The following JADE3 variants were observed in gnomAD, a reference collection of about 807,000 sequenced individuals.
JADE3 encodes the protein protein Jade-3.
In JADE3, 2 loss-of-function variants were observed where a neutral mutation model predicts 50.1. The ratio of observed to expected loss-of-function variants is 0.04; its 90% CI spans 0.02 to 0.13. JADE3 has a LOEUF of 0.13. Among genes scored for constraint, JADE3 ranks in the 10% least tolerant of loss-of-function variants. The pLI is 1.00. For synonymous variants in JADE3, 218 were observed against 232.9 expected, an observed-to-expected ratio of 0.94 and a Z score of 0.58; for missense variants, 475 against 634.4, an observed-to-expected ratio of 0.75 and a Z score of 2.70.
At chrX:46,994,901 GGTGA>G (rs1928090388) in intron 3 of JADE3, among the ~76,000 whole-genome samples, 2 of 111,689 alleles carry the variant, frequency 1.8e-5, no homozygotes, top group South Asian at 7.5e-4. Flanking sequence ...ACCCCTATGA[GGTGA>G]GTGTTATTAT....
chrX:47,007,594 T>A (rs1928458298), intron 4 of JADE3, among the ~76,000 whole-genome samples: 1 of 111,633 alleles, frequency 9.0e-6, no homozygotes, highest in African/African-American at 3.3e-5. Context: ...TCACTTTTGC[T>A]TTCTTTTGAG....
chrX:46,966,600 A>G (rs1927373830), intron 1 of JADE3, among the ~76,000 whole-genome samples: 1 of 111,985 alleles, frequency 8.9e-6, no homozygotes, highest in Non-Finnish European at 1.9e-5. Flanking sequence ...TGCAGCATAC[A>G]GATACTTAAA....
chrX:46,940,587 G>C (rs889147096), intron 1 of JADE3, among the ~76,000 whole-genome samples: 6 of 111,153 alleles, frequency 5.4e-5, no homozygotes, highest in African/African-American at 2.0e-4. Context: ...ATGGCTAGTG[G>C]GAGGAAATGG....
chrX:47,055,455 C>A (rs1929614950), intron 9 of JADE3, among the ~76,000 whole-genome samples: 2 of 111,876 alleles, frequency 1.8e-5, no homozygotes, highest in South Asian at 7.4e-4. Context: ...CCAACACTGT[C>A]CTAAGCATTT....
At chrX:46,994,643 A>G (rs1000434453) in intron 3 of JADE3, among the ~76,000 whole-genome samples, 4 of 111,745 alleles carry the variant, frequency 3.6e-5, no homozygotes, top group East Asian at 2.8e-4. Flanking sequence ...TTGCTTGGGA[A>G]CTGTGTCTTT....
At chrX:47,054,106 C>A in intron 8 of JADE3, 52 bp from the exon 9 acceptor site, 1 of 867,007 alleles carries the variant, frequency 1.2e-6, no homozygotes, top group Non-Finnish European at 1.6e-6. Context: ...AAACATAGGT[C>A]TCTCCCTTTT....
At chrX:46,939,576 C>T (rs180690415) in intron 1 of JADE3, among the ~76,000 whole-genome samples, 142 of 111,764 alleles carry the variant, frequency 1.3e-3, no homozygotes, top group African/African-American at 4.3e-3. Flanking sequence ...GCTTTACATA[C>T]CTAGTAAGTT....
At chrX:46,977,478 T>C (rs1445978397) in intron 1 of JADE3, among the ~76,000 whole-genome samples, 1 of 112,320 alleles carries the variant, frequency 8.9e-6, no homozygotes, top group Non-Finnish European at 1.9e-5. Context: ...TCTATTCTTC[T>C]GTCGTGGTAA....
chrX:47,026,425 A>G (rs1928910017), intron 5 of JADE3, among the ~76,000 whole-genome samples: 2 of 111,724 alleles, frequency 1.8e-5, no homozygotes, highest in Admixed American at 9.5e-5. Context: ...ACCATGGTAC[A>G]TATGTCAAAA....
chrX:46,926,077 A>ATTTTATTTTATTTTATTTT (rs1569534084), intron 1 of JADE3, among the ~76,000 whole-genome samples: 5 of 100,494 alleles, frequency 5.0e-5, no homozygotes, highest in African/African-American at 1.8e-4. Flanking sequence ...ATTTTATTTT[A>ATTTTATTTTATTTTATTTT]AGAGATGGGA....
In JADE3 at chrX:47,028,164, T is replaced by A. The variant is rs139944704; in HGVS notation, c.687+61T>A. On this transcript the variant is annotated intron_variant, in intron 6 of 10. Transcript: ENST00000614628. ...CAGCCTTTCTGAAGCTCAGTGATGA[T>A]CTCCAGCACGCATATCTGGGTAGCA... 278 of 794,533 alleles carry A rather than the reference T, an allele frequency of 3.5e-4. 1 individual carries two copies. The East Asian group carries it at 4.2e-3, about 12-fold the overall frequency. 65.5% of individuals were successfully genotyped at this position (794,533 alleles called of 1,213,427 possible). A position where few individuals can be genotyped will look rare whatever the true frequency, so the allele number is the denominator to read the frequency against.
chrX:46,991,284 A>G (rs1415939780), intron 3 of JADE3, among the ~76,000 whole-genome samples: 1 of 107,644 alleles, frequency 9.3e-6, no homozygotes, highest in East Asian at 2.9e-4. Flanking sequence ...GAGTTTCTCC[A>G]TGTTGGTCAG....
chrX:46,947,309 G>A (rs781944327), intron 1 of JADE3, among the ~76,000 whole-genome samples: 8 of 111,608 alleles, frequency 7.2e-5, no homozygotes, highest in African/African-American at 2.6e-4. Flanking sequence ...ATGAGCCACC[G>A]CGCCTGGCCT....
In JADE3 at chrX:47,011,969, CATTT is replaced by C. The variant is rs201260524; in HGVS notation, c.285-12754_285-12751del. Among the ~76,000 whole-genome samples, 569 of 111,890 alleles carry C rather than the reference CATTT, an allele frequency of 5.1e-3. 2 individuals are homozygous for C. The highest frequency in any genetic ancestry group is 0.017 in the African/African-American group (533 of 30,859). On this transcript the variant is annotated intron_variant, in intron 4 of 10. Coordinates refer to ENST00000614628, the MANE Select transcript of JADE3 (RefSeq NM_014735.5). Reference sequence around the variant, plus strand: ...GAGTCGTCTTAAGTCCCATCACATTCATTTGAGTATGTATGTCCTTGGCTGCTGA... The same window carrying C: ...GAGTCGTCTTAAGTCCCATCACATTCGAGTATGTATGTCCTTGGCTGCTGA...
At chrX:46,933,079 T>G in intron 1 of JADE3, among the ~76,000 whole-genome samples, 1 of 112,211 alleles carries the variant, frequency 8.9e-6, no homozygotes, top group Non-Finnish European at 1.9e-5. Flanking sequence ...TCTTTTTCTC[T>G]AACAGATTTT....
chrX:46,937,942 T>C (rs1373587934), intron 1 of JADE3, among the ~76,000 whole-genome samples: 2 of 112,097 alleles, frequency 1.8e-5, no homozygotes, highest in African/African-American at 6.5e-5. Flanking sequence ...ATCACGCCAC[T>C]GCACTCCATC....
At chrX:46,926,582 G>A (rs1195301140) in intron 1 of JADE3, among the ~76,000 whole-genome samples, 1 of 111,805 alleles carries the variant, frequency 8.9e-6, no homozygotes, top group Non-Finnish European at 1.9e-5. Flanking sequence ...ATAGATCAGT[G>A]CAACCACCAC....
At chrX:46,977,636 C>A (rs1927655601) in intron 1 of JADE3, among the ~76,000 whole-genome samples, 2 of 112,031 alleles carry the variant, frequency 1.8e-5, no homozygotes, top group South Asian at 7.4e-4. Context: ...AATAAGGATT[C>A]ACATGTTAAG....
At chrX:46,969,263 A>G (rs1259066953) in intron 1 of JADE3, among the ~76,000 whole-genome samples, 1 of 110,550 alleles carries the variant, frequency 9.0e-6, no homozygotes, top group East Asian at 2.9e-4. Context: ...TAAAAATACA[A>G]AAATCAGCCG....
Sources: gnomAD v4.1 joint callset for allele counts (sites outside exome capture counted in the v4.1 genomes callset) on GRCh38, gnomAD v4.1.1 for gene constraint, MANE v1.5 for transcripts, NCBI Gene and HGNC (gene_info 2026-07-23, HGNC 2026-07-21) for gene names.